The following IFNGR2 variants were observed in gnomAD, a reference collection of about 807,000 sequenced individuals.
The protein encoded by IFNGR2 is IFN-gamma receptor 2.
A neutral mutation model predicts 41.1 loss-of-function variants in IFNGR2; 15 were observed. The observed-to-expected ratio is 0.37, with a 90% CI of 0.24 to 0.56. The LOEUF is 0.56. IFNGR2 is among the 20% of genes least tolerant of loss of function. The probability of loss-of-function intolerance (pLI) is 0.81; values close to 1 mark genes in which losing one functional copy is unlikely to be tolerated. For synonymous variants in IFNGR2, 161 were observed against 171.6 expected (o/e 0.94, Z 0.48); for missense variants, 362 against 415.7 (o/e 0.87, Z 1.12).
At chr21:33,412,439 A>G (rs2083724030) in intron 1 of IFNGR2, among the ~76,000 whole-genome samples, 1 of 152,224 alleles carries the variant, frequency 6.6e-6, no homozygotes, top group Non-Finnish European at 1.5e-5. Flanking sequence ...TGTTTCAACT[A>G]GAAAGTCAGA....
intron 4 of IFNGR2, among the ~76,000 whole-genome samples, chr21:33,427,421 G>C (rs1270290697): frequency 2.6e-5 from 4 of 152,166 alleles, no homozygotes; most frequent in Admixed American, 2.6e-4. Flanking sequence ...ATAAATGTTT[G>C]AACAGTTTGT....
At chr21:33,409,722 G>A (rs1463612327) in intron 1 of IFNGR2, among the ~76,000 whole-genome samples, 1 of 152,134 alleles carries the variant, frequency 6.6e-6, no homozygotes, top group Non-Finnish European at 1.5e-5. Context: ...TCTGAATTAG[G>A]TATGGCGCTT....
rs17883885 is a variant in IFNGR2, at chr21:33,435,250, C to T, written c.880-1578C>T. ...AAGGCCCTCGCTCCCAGATTCTCTG[C>T]TTGCTGTGCGCTGGTGCAAGGGGAG... On this transcript the variant is annotated intron_variant, in intron 6 of 6. Transcript: ENST00000290219. 6.2e-3 allele frequency among the ~76,000 whole-genome samples: 948 copies of T among 152,244 alleles called. 13 individuals carry two copies. Among genetic ancestry groups the T allele is most frequent in the African/African-American group, 0.021 (892 of 41,546 alleles).
In IFNGR2 at chr21:33,415,027, C is replaced by T. The variant is rs1255976660; in HGVS notation, c.206+7C>T. On this transcript the variant is annotated splice_region_variant and intron_variant, in intron 2 of 6. Transcript: ENST00000290219. ...ACCAAGTGCAGTTTAAATAGTAAGC[C>T]GGTATTTCTGTTGGATCCTTGCTGG... 12 of 1,613,862 alleles carry T rather than the reference C, an allele frequency of 7.4e-6. No individual in the cohort carries two copies. The highest frequency in any genetic ancestry group is 5.5e-5 in the South Asian group (5 of 91,066).
chr21:33,426,254 A>G (rs2083834877), intron 3 of IFNGR2, among the ~76,000 whole-genome samples: 2 of 152,040 alleles, frequency 1.3e-5, no homozygotes, highest in South Asian at 4.1e-4. Context: ...CTCTACTAAA[A>G]ATACAAAAAT....
chr21:33,427,603 A>AT (rs1439361298), intron 4 of IFNGR2, among the ~76,000 whole-genome samples: 2 of 152,174 alleles, frequency 1.3e-5, no homozygotes, highest in African/African-American at 4.8e-5. Context: ...ACAGAGGTGC[A>AT]TGACATCAGA....
At chr21:33,408,199 TTTTG>T (rs912104841) in intron 1 of IFNGR2, among the ~76,000 whole-genome samples, 29 of 152,184 alleles carry the variant, frequency 1.9e-4, no homozygotes, top group African/African-American at 6.3e-4. Flanking sequence ...CTCCTATTCT[TTTTG>T]TTTGTTTGTT....
chr21:33,430,755 T>C (rs1039171940), intron 4 of IFNGR2, among the ~76,000 whole-genome samples: 3 of 152,104 alleles, frequency 2.0e-5, no homozygotes, highest in Non-Finnish European at 4.4e-5. Flanking sequence ...GCCTGGCCTA[T>C]TTTTGTATTT....
chr21:33,424,209 G>A (rs2083817234), intron 3 of IFNGR2, among the ~76,000 whole-genome samples: 1 of 152,052 alleles, frequency 6.6e-6, no homozygotes, highest in South Asian at 2.1e-4. Flanking sequence ...GCTGAGGCAG[G>A]AGAATCTCTT....
intron 1 of IFNGR2, among the ~76,000 whole-genome samples, chr21:33,406,559 T>C (rs1034194600): frequency 1.3e-5 from 2 of 151,422 alleles, no homozygotes; most frequent in African/African-American, 4.8e-5. Context: ...GGCAAATGGG[T>C]GGTAGAAAGG....
intron 1 of IFNGR2, among the ~76,000 whole-genome samples, chr21:33,412,251 C>T (rs1382094151): frequency 6.6e-6 from 1 of 152,196 alleles, no homozygotes; most frequent in Non-Finnish European, 1.5e-5. Flanking sequence ...TGCGTTTTCT[C>T]ATGGCCCAAT....
chr21:33,405,471 CTAGGCCTCCTCCT>C (rs2083671221), intron 1 of IFNGR2, among the ~76,000 whole-genome samples: 1 of 152,160 alleles, frequency 6.6e-6, no homozygotes, highest in Admixed American at 6.5e-5. Flanking sequence ...TGCCTCCTCC[CTAGGCCTCCTCCT>C]AATGAGAGTT....
chr21:33,408,118 AATTAT>A (rs958046937), intron 1 of IFNGR2, among the ~76,000 whole-genome samples: 50 of 152,216 alleles, frequency 3.3e-4, no homozygotes, highest in African/African-American at 1.2e-3. Flanking sequence ...GATTAATGTT[AATTAT>A]ATTTTATTTT....
chr21:33,410,636 T>C (rs2083709074), intron 1 of IFNGR2, among the ~76,000 whole-genome samples: 1 of 152,000 alleles, frequency 6.6e-6, no homozygotes, highest in African/African-American at 2.4e-5. Flanking sequence ...CCTGGCTAAT[T>C]GTTGTATTTT....
Position 33,437,280 on chromosome 21 carries a change from T to TGA in IFNGR2, c.*318_*319insGA. The TGA allele has an allele frequency of 9.5e-6, 3 of 316,686 alleles. No homozygotes were observed. Among genetic ancestry groups the TGA allele is most frequent in the South Asian group, 6.2e-5 (2 of 32,356 alleles). 19.6% of individuals were successfully genotyped at this position (316,686 alleles called of 1,614,324 possible). A position where few individuals can be genotyped will look rare whatever the true frequency, so the allele number is the denominator to read the frequency against. The stretch of plus-strand genomic sequence containing the variant: ...TGACACATCTCTGATACTTTTTTCA[T>TGA]TATTGGTTGGGCTGAGCAGTCAGAA... On this transcript the variant is annotated 3_prime_UTR_variant, in exon 7 of 7. Coordinates refer to ENST00000290219, the MANE Select transcript of IFNGR2 (RefSeq NM_005534.4).
chr21:33,436,739 A>T, intron 6 of IFNGR2, 89 bp from the exon 7 acceptor site: 4 of 1,097,004 alleles, frequency 3.6e-6, no homozygotes, highest in Non-Finnish European at 5.3e-6. Context: ...ATAAAAATAA[A>T]AATAAAATAA....
chr21:33,432,214 A>G lies in IFNGR2; in HGVS notation c.599A>G (p.Asp200Gly). ...TTCAGAAGCAACTCCATTTCATTGG[A>G]TAACTTAAAACCCTCCAGAGTGTAC... Reference protein sequence around the residue: ...GPFRSNSISLDNLKPSRVYCL... With the variant: ...GPFRSNSISLGNLKPSRVYCL... Residue 200 changes from aspartate (D) to glycine (G), a missense_variant, in exon 5 of 7, where the codon GAT (aspartate) becomes GGT (glycine). Physicochemically the swap from Asp to Gly is moderately conservative, Grantham distance 94. Transcript: ENST00000290219. 1 of 1,614,166 alleles carries G rather than the reference A, an allele frequency of 6.2e-7. No homozygotes were observed. The highest frequency in any genetic ancestry group is 8.5e-7 in the Non-Finnish European group (1 of 1,179,968).
intron 4 of IFNGR2, 87 bp from the exon 5 acceptor site, chr21:33,432,090 C>A: frequency 8.2e-7 from 1 of 1,216,014 alleles, no homozygotes; most frequent in Non-Finnish European, 1.2e-6. Context: ...TTGTCGTGTT[C>A]ACAGTGAATT....
chr21:33,413,905 T>C (rs1286663252), intron 1 of IFNGR2, among the ~76,000 whole-genome samples: 2 of 131,480 alleles, frequency 1.5e-5, no homozygotes, highest in Non-Finnish European at 3.1e-5. Flanking sequence ...CGATCTCAGC[T>C]CCCTGCAACC....
Sources: gnomAD v4.1 joint callset for allele counts (sites outside exome capture counted in the v4.1 genomes callset) on GRCh38, gnomAD v4.1.1 for gene constraint, MANE v1.5 for transcripts, NCBI Gene and HGNC (gene_info 2026-07-23, HGNC 2026-07-21) for gene names.